CEP43: variants seen among roughly 807,000 people sequenced by gnomAD.
CEP43 encodes the protein FGFR1 oncogene partner.
In CEP43, 36 loss-of-function variants were observed where a neutral mutation model predicts 52.6. That is an observed-to-expected ratio of 0.68 (90% CI 0.52 to 0.90). The LOEUF (loss-of-function observed/expected upper bound fraction) is 0.90. Ranked by LOEUF, CEP43 falls within the 40% of genes least tolerant of loss-of-function variation. The pLI is 0.00. For missense variants in CEP43, 506 were observed against 472.8 expected (o/e 1.07, Z -0.65); for synonymous variants, 192 against 172.4 (o/e 1.11, Z -0.89).
intron 12 of CEP43, 45 bp from the exon 13 acceptor site, chr6:167,039,859 T>C (rs1374943017): frequency 1.2e-6 from 2 of 1,604,504 alleles, no homozygotes; most frequent in Non-Finnish European, 1.7e-6. Context: ...TTAAGACTAC[T>C]CACATTCTGA....
In CEP43 at chr6:167,024,865, C is replaced by A. The variant is rs142143894; in HGVS notation, c.890C>A (p.Ala297Glu). ...TTAAAAAGTGGACTCAGCTCCCTGGCGGGAGCCCCTTCTTTAAAAGACTCT... is the reference window on the plus strand; with the variant it reads ...TTAAAAAGTGGACTCAGCTCCCTGGAGGGAGCCCCTTCTTTAAAAGACTCT... ...PPLKSGLSSL[A>E]GAPSLKDSES... Residue 297 changes from alanine to glutamate, a missense_variant, in exon 9 of 13, where the codon GCG becomes GAG. Physicochemically the swap from Ala to Glu is moderately radical, Grantham distance 107. Transcript: ENST00000366847. 2 of 1,608,818 alleles carry A rather than the reference C, an allele frequency of 1.2e-6. No homozygotes were observed. The highest frequency in any genetic ancestry group is 2.2e-5 in the South Asian group (2 of 90,950).
At position 167,045,903 on chromosome 6, in the gene CEP43, C is replaced by T. The variant is rs1040265953; in HGVS notation, c.*5925C>T. The T allele has an allele frequency of 2.6e-5, 4 of 152,264 alleles. No homozygotes were observed. The highest frequency in any genetic ancestry group is 9.7e-5 in the African/African-American group (4 of 41,420). 9.4% of individuals were successfully genotyped at this position (152,264 alleles called of 1,614,324 possible). A position where few individuals can be genotyped will look rare whatever the true frequency, so the allele number is the denominator to read the frequency against. On this transcript the variant is annotated 3_prime_UTR_variant, in exon 13 of 13. Coordinates refer to ENST00000366847, the MANE Select transcript of CEP43 (RefSeq NM_007045.4). The stretch of plus-strand genomic sequence containing the variant: ...TGAATGAAGCATGCTTCATCCTGCA[C>T]ATCCCCTCCTGCCCCAGCACCCCTA...
intron 12 of CEP43, among the ~76,000 whole-genome samples, chr6:167,038,932 C>A (rs1299033370): frequency 2.6e-5 from 4 of 152,074 alleles, no homozygotes; most frequent in Non-Finnish European, 5.9e-5. Context: ...CCAATTTGAG[C>A]CTTTTATCCC....
In CEP43 at chr6:167,040,958, A is replaced by G; in HGVS notation, c.*980A>G. 9.8e-7 allele frequency: 1 copy of G among 1,025,264 alleles called. No homozygotes were observed. The highest frequency in any genetic ancestry group is 4.6e-5 in the South Asian group (1 of 21,628). 63.5% of individuals were successfully genotyped at this position (1,025,264 alleles called of 1,614,324 possible). A position where few individuals can be genotyped will look rare whatever the true frequency, so the allele number is the denominator to read the frequency against. Reference sequence around the variant, plus strand: ...GTCTCATTTATACGGTTAAAGCATTATTGCTATTATGTAGGTCACGGATGT... The same window carrying G: ...GTCTCATTTATACGGTTAAAGCATTGTTGCTATTATGTAGGTCACGGATGT... On this transcript the variant is annotated 3_prime_UTR_variant, in exon 13 of 13. Transcript: ENST00000366847.
intron 5 of CEP43, among the ~76,000 whole-genome samples, chr6:167,006,467 G>A (rs902854018): frequency 3.3e-5 from 5 of 151,944 alleles, no homozygotes; most frequent in South Asian, 2.1e-4. Flanking sequence ...AGGCGAGGTC[G>A]TGCCACCGCA....
intron 12 of CEP43, chr6:167,036,135 A>G (rs866534145): frequency 3.0e-6 from 3 of 985,456 alleles, no homozygotes; most frequent in Non-Finnish European, 1.2e-6. Flanking sequence ...ATAAAAAGTG[A>G]CAGGTGCCAT....
intron 7 of CEP43, among the ~76,000 whole-genome samples, chr6:167,021,722 A>G (rs1287590773): frequency 1.3e-5 from 2 of 152,182 alleles, no homozygotes; most frequent in African/African-American, 2.4e-5. Context: ...AAATACACAC[A>G]CACACACACG....
rs113500419 is a variant in CEP43 at position 167,040,463 on chromosome 6, G to T, written c.*485G>T. 1 of 1,207,268 alleles carries T rather than the reference G, an allele frequency of 8.3e-7. No individual in the cohort carries two copies. Among genetic ancestry groups the T allele is most frequent in the Non-Finnish European group, 1.0e-6 (1 of 966,486 alleles). 74.8% of individuals were successfully genotyped at this position (1,207,268 alleles called of 1,614,324 possible). A position where few individuals can be genotyped will look rare whatever the true frequency, so the allele number is the denominator to read the frequency against. On this transcript the variant is annotated 3_prime_UTR_variant, in exon 13 of 13. Coordinates refer to ENST00000366847, the MANE Select transcript of CEP43 (RefSeq NM_007045.4). ...CAAAATGACTTGGTAAATTTGTAAT[G>T]CTGAAGTATATTAGTATAAGTTAAA...
intron 5 of CEP43, among the ~76,000 whole-genome samples, chr6:167,009,523 AAAAAAAT>A (rs1583272208): frequency 6.7e-6 from 1 of 149,966 alleles, no homozygotes; most frequent in African/African-American, 2.5e-5. Context: ...AAAAAAAAAA[AAAAAAAT>A]ACAAGGAATT....
intron 3 of CEP43, 182 bp downstream of exon 3, chr6:167,003,429 G>A (rs1289718112): frequency 5.9e-6 from 3 of 504,292 alleles, no homozygotes; most frequent in South Asian, 3.4e-5. Context: ...GATTTGGGAT[G>A]TTGTTGCTTA....
Position 167,041,120 on chromosome 6 carries a change from A to G in CEP43, c.*1142A>G, listed in dbSNP as rs1780686002. On this transcript the variant is annotated 3_prime_UTR_variant, in exon 13 of 13. Transcript: ENST00000366847. ...TTCAATTAAGTTGCGGCTTTTTACTACAAGTTAACTTTATTAGTAAAAGGA... is the reference window on the plus strand; with the variant it reads ...TTCAATTAAGTTGCGGCTTTTTACTGCAAGTTAACTTTATTAGTAAAAGGA... The G allele has an allele frequency of 9.6e-7, 1 of 1,042,284 alleles. No homozygotes were observed. Among genetic ancestry groups the G allele is most frequent in the Non-Finnish European group, 1.2e-6 (1 of 864,834 alleles). The allele number at this position is 1,042,284 out of a possible 1,614,324, so 64.6% of individuals were successfully genotyped here.
chr6:167,031,387 T>G (rs1327324401), intron 10 of CEP43, among the ~76,000 whole-genome samples: 12 of 152,228 alleles, frequency 7.9e-5, no homozygotes, highest in Admixed American at 7.9e-4. Context: ...TTTGGTTTGT[T>G]CCACTGTTCC....
chr6:167,039,799 T>C, intron 12 of CEP43, 105 bp from the exon 13 acceptor site: 1 of 1,153,398 alleles, frequency 8.7e-7, no homozygotes. Context: ...ATGGCCATTC[T>C]TGCAGGAGTA....
In CEP43 at chr6:167,001,043, T is replaced by C. The variant is rs571186795; in HGVS notation, c.156+930T>C. ...CTTCACCCTAGCTGTGCAGTAGCCTTCTATGTCACCCCTGCTTCCTTCTCT... is the reference window on the plus strand; with the variant it reads ...CTTCACCCTAGCTGTGCAGTAGCCTCCTATGTCACCCCTGCTTCCTTCTCT... On this transcript the variant is annotated intron_variant, in intron 2 of 12. Transcript: ENST00000366847. Among the ~76,000 whole-genome samples, 684 of 152,340 alleles carry C rather than the reference T, an allele frequency of 4.5e-3. 6 individuals carry two copies. The highest frequency in any genetic ancestry group is 0.015 in the African/African-American group (627 of 41,578).
chr6:167,014,894 A>G (rs1780060207), intron 7 of CEP43, among the ~76,000 whole-genome samples: 1 of 152,266 alleles, frequency 6.6e-6, no homozygotes, highest in Non-Finnish European at 1.5e-5. Flanking sequence ...TTCTTAATAG[A>G]TTTTAAAAAT....
In CEP43 at chr6:167,034,985, A is replaced by G. The variant is rs1216618265; in HGVS notation, c.1125+1014A>G. 2.0e-5 allele frequency among the ~76,000 whole-genome samples: 3 copies of G among 152,368 alleles called. 1 individual carries two copies. The highest frequency in any genetic ancestry group is 1.5e-5 in the Non-Finnish European group (1 of 68,036). ...GCTTTAAAGTTATACCAAAGAAACT[A>G]TGAAGGATTCTTTAAATATGAGGGA... On this transcript the variant is annotated intron_variant, in intron 12 of 12. Coordinates refer to ENST00000366847, the MANE Select transcript of CEP43 (RefSeq NM_007045.4).
chr6:167,005,505 G>C (rs1001313876), intron 5 of CEP43, among the ~76,000 whole-genome samples: 9 of 152,174 alleles, frequency 5.9e-5, no homozygotes, highest in Non-Finnish European at 1.0e-4. Flanking sequence ...TCAGTTGTGG[G>C]GCGAGGATTG....
At chr6:167,000,279 G>C (rs954602146) in intron 2 of CEP43, among the ~76,000 whole-genome samples, 166 bp downstream of exon 2, 1 of 152,098 alleles carries the variant, frequency 6.6e-6, no homozygotes, top group Non-Finnish European at 1.5e-5. Flanking sequence ...TTCTTTTTTC[G>C]TGTAGCTTTT....
chr6:167,046,137 TATTA>T lies in CEP43; in HGVS notation c.*6164_*6167del, dbSNP rs1780793197. 6.6e-6 allele frequency: 1 copy of T among 152,226 alleles called. No homozygotes were observed. Among genetic ancestry groups the T allele is most frequent in the African/African-American group, 2.4e-5 (1 of 41,458 alleles). 9.4% of individuals were successfully genotyped at this position (152,226 alleles called of 1,614,324 possible). On this transcript the variant is annotated 3_prime_UTR_variant, in exon 13 of 13. Transcript: ENST00000366847. ...ATTATGTGTCAATATATTAATTATA[TATTA>T]ATTACATTTATAGAGGTTAGGTATA...
Sources: allele counts gnomAD v4.1 joint callset (sites outside exome capture counted in the v4.1 genomes callset), GRCh38; gene constraint gnomAD v4.1.1; transcripts MANE v1.5; gene names NCBI Gene and HGNC (gene_info 2026-07-23, HGNC 2026-07-21).